Variants in CDKN2AIP observed in about 807,000 individuals in gnomAD.
The protein encoded by CDKN2AIP is CDKN2A interacting protein, also known as CDKN2A-interacting protein.
A neutral mutation model predicts 44.1 loss-of-function variants in CDKN2AIP; 12 were observed. That is an observed-to-expected ratio of 0.27 (90% CI 0.17 to 0.44). The LOEUF is 0.44. CDKN2AIP is among the 20% of genes least tolerant of loss of function. The pLI is 1.00. For synonymous variants in CDKN2AIP, 291 were observed against 272.1 expected (o/e 1.07, Z -0.68); for missense variants, 705 against 681.6 (o/e 1.03, Z -0.38).
At position 183,447,337 on chromosome 4, in the gene CDKN2AIP, C is replaced by T. The variant is rs1340874682; in HGVS notation, c.1653C>T (p.Gly551=). 1.2e-6 allele frequency: 2 copies of T among 1,607,828 alleles called. No homozygotes were observed. Among genetic ancestry groups the T allele is most frequent in the Non-Finnish European group, 1.7e-6 (2 of 1,176,846 alleles). The change falls in exon 3 of 3, where the codon GGC becomes GGT. Residue 551 remains glycine, a synonymous_variant. Transcript: ENST00000504169. ...VVKICKRKYR[G]SEIEDLVLLD... ...AAATATGTAAAAGGAAATACAGAGG[C>T]AGTGAAATAGAAGATCTAGTACTCC...
chr4:183,446,070 T>C lies in CDKN2AIP; in HGVS notation c.404-18T>C. On this transcript the variant is annotated intron_variant, in intron 2 of 2. Coordinates refer to ENST00000504169, the MANE Select transcript of CDKN2AIP (RefSeq NM_017632.4). ...CGAGGTATTCTTAGTCACATATCTATGTTTTTCTTCTTTTTAGAAGGGGTA... is the reference window on the plus strand; with the variant it reads ...CGAGGTATTCTTAGTCACATATCTACGTTTTTCTTCTTTTTAGAAGGGGTA... 1.9e-6 allele frequency: 3 copies of C among 1,569,206 alleles called. No homozygotes were observed. Among genetic ancestry groups the C allele is most frequent in the African/African-American group, 1.4e-5 (1 of 73,056 alleles).
At position 183,446,827 on chromosome 4, in the gene CDKN2AIP, A is replaced by C. The variant is rs1579141354; in HGVS notation, c.1143A>C (p.Gly381=). 6.2e-7 allele frequency: 1 copy of C among 1,614,166 alleles called. No homozygotes were observed. The highest frequency in any genetic ancestry group is 8.5e-7 in the Non-Finnish European group (1 of 1,180,024). The change falls in exon 3 of 3, where the codon GGA becomes GGC. Residue 381 remains glycine (G), a synonymous_variant. Coordinates refer to ENST00000504169, the MANE Select transcript of CDKN2AIP (RefSeq NM_017632.4). ...CCAAGAGCAGCTCCCAGACCAGTGG[A>C]TCTCTGGTTTCCAAAAGCACTTCCT... ...LASKSSSQTS[G]SLVSKSTSLA...
Position 183,447,551 on chromosome 4 carries a change from T to C in CDKN2AIP, c.*124T>C, listed in dbSNP as rs1733709553. On this transcript the variant is annotated 3_prime_UTR_variant, in exon 3 of 3. Transcript: ENST00000504169. The stretch of plus-strand genomic sequence containing the variant: ...TTTTTTTCCAGTTTTGCAGAAAATT[T>C]ACATTCTAGTTCTCTTCACACAGTA... 1 of 657,230 alleles carries C rather than the reference T, an allele frequency of 1.5e-6. No homozygotes were observed. The highest frequency in any genetic ancestry group is 1.8e-5 in the African/African-American group (1 of 54,538). 40.7% of individuals were successfully genotyped at this position (657,230 alleles called of 1,614,324 possible). A position where few individuals can be genotyped will look rare whatever the true frequency, so the allele number is the denominator to read the frequency against.
Position 183,444,699 on chromosome 4 carries a change from C to G in CDKN2AIP, c.-99C>G. On this transcript the variant is annotated 5_prime_UTR_variant, in exon 1 of 3. In the 5' UTR this introduces an upstream ATG that the reference lacks. Transcript: ENST00000504169. ...CTTTAGGCCTGCGGAGGGGCGTTAT[C>G]TGGAGGGCCGCGGGTGCAGGCCGCA... is the stretch of plus-strand genomic sequence containing the variant. The G allele has an allele frequency of 1.1e-5, 14 of 1,281,946 alleles. No homozygotes were observed. The highest frequency in any genetic ancestry group is 1.5e-5 in the Non-Finnish European group (14 of 961,520). The allele number at this position is 1,281,946 out of a possible 1,614,324, so 79.4% of individuals were successfully genotyped here.
At position 183,446,420 on chromosome 4, in the gene CDKN2AIP, T is replaced by C; in HGVS notation, c.736T>C (p.Ser246Pro). ...PDKHGSASFVSLLKSSVNSHM... is the reference protein window; with the variant it reads ...PDKHGSASFVPLLKSSVNSHM... ...TAAACACGGTTCTGCATCATTTGTT[T>C]CCTTGCTGAAATCCAGTGTGAATAG... is the stretch of plus-strand genomic sequence containing the variant. Residue 246 changes from serine to proline, a missense_variant, in exon 3 of 3, where the codon TCC becomes CCC. By Grantham distance (74) the Ser-to-Pro change is moderately conservative (BLOSUM62 -1). Coordinates refer to ENST00000504169, the MANE Select transcript of CDKN2AIP (RefSeq NM_017632.4). 6.2e-7 allele frequency: 1 copy of C among 1,613,684 alleles called. No homozygotes were observed. The highest frequency in any genetic ancestry group is 8.5e-7 in the Non-Finnish European group (1 of 1,179,520).
Position 183,447,124 on chromosome 4 carries a change from A to AT in CDKN2AIP, c.1446dup (p.Val483CysfsTer13), listed in dbSNP as rs1303422391. ...AGGCTCTGAAAGCAACACTGGATGT[A>AT]TTTTTTGTCCCACTAAAAGAATTGG... On this transcript the variant is annotated frameshift_variant, in exon 3 of 3. Coordinates refer to ENST00000504169, the MANE Select transcript of CDKN2AIP (RefSeq NM_017632.4). LOFTEE classifies it high-confidence loss of function. The AT allele has an allele frequency of 1.9e-6, 3 of 1,613,954 alleles. No homozygotes were observed. Among genetic ancestry groups the AT allele is most frequent in the Non-Finnish European group, 1.7e-6 (2 of 1,179,938 alleles).
chr4:183,446,079 T>C lies in CDKN2AIP; in HGVS notation c.404-9T>C, dbSNP rs377594316. On this transcript the variant is annotated splice_polypyrimidine_tract_variant and intron_variant, in intron 2 of 2. Coordinates refer to ENST00000504169, the MANE Select transcript of CDKN2AIP (RefSeq NM_017632.4). The stretch of plus-strand genomic sequence containing the variant: ...CTTAGTCACATATCTATGTTTTTCT[T>C]CTTTTTAGAAGGGGTAGAAGAGCCA... The C allele has an allele frequency of 3.2e-6, 5 of 1,577,798 alleles. No individual in the cohort carries two copies. The highest frequency in any genetic ancestry group is 4.3e-6 in the Non-Finnish European group (5 of 1,164,416).
chr4:183,449,017 A>C lies in CDKN2AIP; in HGVS notation c.*1590A>C, dbSNP rs143209054. ...TATTTTGTGGGATAATGATTATCAGAAAAGCAAAAAATTACAACGAACAAA... is the reference window on the plus strand; with the variant it reads ...TATTTTGTGGGATAATGATTATCAGCAAAGCAAAAAATTACAACGAACAAA... On this transcript the variant is annotated 3_prime_UTR_variant, in exon 3 of 3. Coordinates refer to ENST00000504169, the MANE Select transcript of CDKN2AIP (RefSeq NM_017632.4). 6.6e-6 allele frequency among the ~76,000 whole-genome samples: 1 copy of C among 152,306 alleles called. No individual in the cohort carries two copies. Among genetic ancestry groups the C allele is most frequent in the African/African-American group, 2.4e-5 (1 of 41,580 alleles).
rs771052583 is a variant in CDKN2AIP, at chr4:183,444,765, G to A, written c.-33G>A. On this transcript the variant is annotated 5_prime_UTR_variant, in exon 1 of 3. Transcript: ENST00000504169. ...GCCCCGCTAGTCCTGCCTGTCTCCC[G>A]GTGCAGCTGTGTTCGCGGCCTGCAG... 1.3e-6 allele frequency: 2 copies of A among 1,485,382 alleles called. No homozygotes were observed. Among genetic ancestry groups the A allele is most frequent in the East Asian group, 2.5e-5 (1 of 39,588 alleles). The allele number at this position is 1,485,382 out of a possible 1,614,324, so 92.0% of individuals were successfully genotyped here. A position where few individuals can be genotyped will look rare whatever the true frequency, so the allele number is the denominator to read the frequency against.
rs751044999 is a variant in CDKN2AIP, at chr4:183,445,029, T to C, written c.232T>C (p.Phe78Leu). 8 of 1,603,700 alleles carry C rather than the reference T, an allele frequency of 5.0e-6. No homozygotes were observed. In the South Asian group the frequency reaches 8.8e-5, roughly 18 times the overall value. The change falls in exon 1 of 3, where the codon TTT (phenylalanine) becomes CTT (leucine). Residue 78 changes from phenylalanine to leucine, a missense_variant. Coordinates refer to ENST00000504169, the MANE Select transcript of CDKN2AIP (RefSeq NM_017632.4). ...RNRQLQQLIS[F>L]SMAWANHVFL... ...CCGGCAGCTGCAGCAGCTCATCTCC[T>C]TTTCCATGGCCTGGGCGAACCACGT...
At chr4:183,445,897 T>C in intron 2 of CDKN2AIP, 191 bp from the exon 3 acceptor site, 2 of 643,124 alleles carry the variant, frequency 3.1e-6, no homozygotes, top group Non-Finnish European at 5.4e-6. Context: ...GATGCTGTTA[T>C]TTTTTTAATA....
rs1472045373 is a variant in CDKN2AIP at position 183,444,868 on chromosome 4, G to T, written c.71G>T (p.Cys24Phe). 1.3e-6 allele frequency: 2 copies of T among 1,590,990 alleles called. No individual in the cohort carries two copies. Among genetic ancestry groups the T allele is most frequent in the Non-Finnish European group, 1.7e-6 (2 of 1,168,818 alleles). ...GCAGCCTGGGTGGAGGCGCTGCGCTGCGACGGCGAGACTGACAAACACTGG... is the reference window on the plus strand; with the variant it reads ...GCAGCCTGGGTGGAGGCGCTGCGCTTCGACGGCGAGACTGACAAACACTGG... Reference protein sequence around the residue: ...RVAAWVEALRCDGETDKHWRH... With the variant: ...RVAAWVEALRFDGETDKHWRH... The change falls in exon 1 of 3, where the codon TGC becomes TTC. Residue 24 changes from cysteine to phenylalanine, a missense_variant. Transcript: ENST00000504169.
chr4:183,448,346 T>A lies in CDKN2AIP; in HGVS notation c.*919T>A, dbSNP rs1266171546. Reference sequence around the variant, plus strand: ...CAGCAATCCCCTGAGCCAGAATAGATTAAAAGCGATTCCCTTCAATTTTCA... The same window carrying A: ...CAGCAATCCCCTGAGCCAGAATAGAATAAAAGCGATTCCCTTCAATTTTCA... On this transcript the variant is annotated 3_prime_UTR_variant, in exon 3 of 3. Coordinates refer to ENST00000504169, the MANE Select transcript of CDKN2AIP (RefSeq NM_017632.4). 1 of 152,132 alleles carries A rather than the reference T, an allele frequency of 6.6e-6. No homozygotes were observed. The highest frequency in any genetic ancestry group is 1.5e-5 in the Non-Finnish European group (1 of 67,992). 9.4% of individuals were successfully genotyped at this position (152,132 alleles called of 1,614,324 possible). A position where few individuals can be genotyped will look rare whatever the true frequency, so the allele number is the denominator to read the frequency against.
In CDKN2AIP at chr4:183,448,491, G is replaced by A. The variant is rs2111229086; in HGVS notation, c.*1064G>A. ...ATTTAACTACATTCGTTAAAATGAA[G>A]TGGAATTTTGTTTTCGTCTTAGGTG... On this transcript the variant is annotated 3_prime_UTR_variant, in exon 3 of 3. Coordinates refer to ENST00000504169, the MANE Select transcript of CDKN2AIP (RefSeq NM_017632.4). 6.6e-6 allele frequency among the ~76,000 whole-genome samples: 1 copy of A among 152,260 alleles called. No individual in the cohort carries two copies. Among genetic ancestry groups the A allele is most frequent in the East Asian group, 1.9e-4 (1 of 5,186 alleles).
chr4:183,446,258 C>G lies in CDKN2AIP; in HGVS notation c.574C>G (p.Arg192Gly). 2.5e-6 allele frequency: 4 copies of G among 1,613,984 alleles called. No homozygotes were observed. Among genetic ancestry groups the G allele is most frequent in the Non-Finnish European group, 2.5e-6 (3 of 1,179,828 alleles). Reference protein sequence around the residue: ...AIKSESGNSARSSGISSQNSS... With the variant: ...AIKSESGNSAGSSGISSQNSS... ...CAAATCAGAGAGTGGGAACTCAGCT[C>G]GGAGCTCTGGCATCTCCAGTCAGAA... Residue 192 changes from arginine to glycine, a missense_variant, in exon 3 of 3, where the codon CGG becomes GGG. Transcript: ENST00000504169.
intron 1 of CDKN2AIP, 28 bp from the exon 2 acceptor site, chr4:183,445,507 T>C (rs766870406): frequency 2.4e-5 from 39 of 1,595,652 alleles, no homozygotes; most frequent in Middle Eastern, 1.7e-4. Context: ...AAAACACTTT[T>C]TAAAAATGAC....
At position 183,444,666 on chromosome 4, in the gene CDKN2AIP, T is replaced by G; in HGVS notation, c.-132T>G. 3 of 858,818 alleles carry G rather than the reference T, an allele frequency of 3.5e-6. No homozygotes were observed. Among genetic ancestry groups the G allele is most frequent in the Non-Finnish European group, 5.0e-6 (3 of 599,042 alleles). The allele number at this position is 858,818 out of a possible 1,614,324, so 53.2% of individuals were successfully genotyped here. A position where few individuals can be genotyped will look rare whatever the true frequency, so the allele number is the denominator to read the frequency against. Reference sequence around the variant, plus strand: ...GCGGTTCGGCGGCTCTGGGCGCTGTTGTTTGGTCTTTAGGCCTGCGGAGGG... The same window carrying G: ...GCGGTTCGGCGGCTCTGGGCGCTGTGGTTTGGTCTTTAGGCCTGCGGAGGG... On this transcript the variant is annotated 5_prime_UTR_variant, in exon 1 of 3. Coordinates refer to ENST00000504169, the MANE Select transcript of CDKN2AIP (RefSeq NM_017632.4).
At chr4:183,445,408 A>C in intron 1 of CDKN2AIP, 127 bp from the exon 2 acceptor site, 1 of 751,114 alleles carries the variant, frequency 1.3e-6, no homozygotes, top group South Asian at 1.8e-5. Context: ...GTTCCAGGAA[A>C]CAGTTCTTGG....
rs1733704420 is a variant in CDKN2AIP, at chr4:183,447,317, T to C, written c.1633T>C (p.Cys545Arg). ...FLKKKVVVKICKRKYRGSEIE... is the reference protein window; with the variant it reads ...FLKKKVVVKIRKRKYRGSEIE... ...CAAGAAAAAGGTGGTGGTAAAAATA[T>C]GTAAAAGGAAATACAGAGGCAGTGA... is the stretch of plus-strand genomic sequence containing the variant. The change falls in exon 3 of 3, where the codon TGT (cysteine) becomes CGT (arginine). Residue 545 changes from cysteine (C) to arginine (R), a missense_variant. Coordinates refer to ENST00000504169, the MANE Select transcript of CDKN2AIP (RefSeq NM_017632.4). 6.2e-6 allele frequency: 10 copies of C among 1,612,236 alleles called. No homozygotes were observed. The highest frequency in any genetic ancestry group is 2.2e-5 in the East Asian group (1 of 44,886).
Sources: allele counts gnomAD v4.1 joint callset (sites outside exome capture counted in the v4.1 genomes callset), GRCh38; gene constraint gnomAD v4.1.1; transcripts MANE v1.5; gene names NCBI Gene and HGNC (gene_info 2026-07-23, HGNC 2026-07-21).